The following PACRG variants were observed in gnomAD, a reference collection of about 807,000 sequenced individuals.
PACRG encodes parkin coregulated, also known as parkin coregulated gene protein.
Under a neutral mutation model 29.7 loss-of-function variants are expected in PACRG, and 29 were observed. That is an observed-to-expected ratio of 0.98 (90% CI 0.73 to 1.33). The LOEUF (loss-of-function observed/expected upper bound fraction) is 1.33, where lower values mean the gene tolerates loss of function less well. PACRG is among the 40% of genes most tolerant of loss of function. The pLI, the probability that PACRG is intolerant of heterozygous loss-of-function variation, is 0.00. For missense variants in PACRG, 279 were observed against 316.2 expected (o/e 0.88, Z 0.89); for synonymous variants, 116 against 118.7 (o/e 0.98, Z 0.15).
chr6:163,302,199 TC>T (rs1209125190), intron 4 of PACRG, among the ~76,000 whole-genome samples: 3 of 152,098 alleles, frequency 2.0e-5, no homozygotes, highest in East Asian at 1.9e-4. Context: ...ATTCAAAACT[TC>T]CCCCCACAGT....
chr6:162,934,126 T>C (rs1798066892), intron 2 of PACRG, among the ~76,000 whole-genome samples: 1 of 151,998 alleles, frequency 6.6e-6, no homozygotes, highest in African/African-American at 2.4e-5. Context: ...TAGCCAGGCA[T>C]GGTGGCACAC....
chr6:162,961,764 G>A (rs1215794900), intron 2 of PACRG, among the ~76,000 whole-genome samples: 1 of 152,100 alleles, frequency 6.6e-6, no homozygotes, highest in Non-Finnish European at 1.5e-5. Flanking sequence ...TTAGTCTAGT[G>A]TCCTTCTAAT....
At chr6:163,132,401 T>A (rs1245250660) in intron 4 of PACRG, among the ~76,000 whole-genome samples, 2 of 152,226 alleles carry the variant, frequency 1.3e-5, no homozygotes, top group African/African-American at 4.8e-5. Flanking sequence ...GTGCCAGGAA[T>A]CATTATTGAT....
chr6:162,891,843 C>A (rs573479859), intron 2 of PACRG, among the ~76,000 whole-genome samples: 3 of 152,286 alleles, frequency 2.0e-5, no homozygotes, highest in African/African-American at 7.2e-5. Flanking sequence ...ATGGCACTGG[C>A]CACATAACCA....
chr6:162,837,674 T>C (rs1789350984), intron 2 of PACRG, among the ~76,000 whole-genome samples: 1 of 152,140 alleles, frequency 6.6e-6, no homozygotes, highest in Admixed American at 6.6e-5. Flanking sequence ...CTCAATTAAG[T>C]TTCAACAAAT....
At chr6:162,756,778 T>C (rs1455574172) in intron 1 of PACRG, among the ~76,000 whole-genome samples, 2 of 152,148 alleles carry the variant, frequency 1.3e-5, no homozygotes, top group Non-Finnish European at 2.9e-5. Flanking sequence ...GGTTGTATGC[T>C]TTGAGTCCTT....
intron 4 of PACRG, among the ~76,000 whole-genome samples, chr6:163,249,625 C>T (rs899716479): frequency 1.3e-5 from 2 of 152,166 alleles, no homozygotes; most frequent in Non-Finnish European, 2.9e-5. Context: ...TTCCATGGGA[C>T]CTAGTGGTCT....
At chr6:163,271,207 T>G (rs1316354819) in intron 4 of PACRG, among the ~76,000 whole-genome samples, 1 of 152,024 alleles carries the variant, frequency 6.6e-6, no homozygotes, top group Non-Finnish European at 1.5e-5. Flanking sequence ...TTTCACATTC[T>G]TCTGCCTGCT....
At chr6:162,748,298 C>G (rs1205311686) in intron 1 of PACRG, among the ~76,000 whole-genome samples, 1 of 152,172 alleles carries the variant, frequency 6.6e-6, no homozygotes, top group Admixed American at 6.5e-5. Context: ...TGAAACCAGT[C>G]TGGCCATCGT....
intron 1 of PACRG, among the ~76,000 whole-genome samples, chr6:162,734,604 C>T (rs2128251830): frequency 6.6e-6 from 1 of 152,268 alleles, no homozygotes; most frequent in South Asian, 2.1e-4. Flanking sequence ...TAGTGATCTT[C>T]ATTCCATTTG....
intron 4 of PACRG, among the ~76,000 whole-genome samples, chr6:163,237,276 A>T: frequency 6.6e-6 from 1 of 152,182 alleles, no homozygotes; most frequent in East Asian, 1.9e-4. Context: ...CTTTAGTCTG[A>T]CAGTATAACT....
intron 2 of PACRG, among the ~76,000 whole-genome samples, chr6:162,950,693 A>G (rs1026954430): frequency 4.6e-5 from 7 of 152,204 alleles, no homozygotes; most frequent in African/African-American, 1.4e-4. Context: ...TGGTAAATGA[A>G]TTAAAGGAAA....
intron 2 of PACRG, among the ~76,000 whole-genome samples, chr6:162,868,726 T>A (rs1792537131): frequency 6.6e-6 from 1 of 152,196 alleles, no homozygotes; most frequent in African/African-American, 2.4e-5. Flanking sequence ...GCCATGCACA[T>A]GCGCACAGGG....
chr6:163,166,877 G>T (rs1485903732), intron 4 of PACRG, among the ~76,000 whole-genome samples: 3 of 152,132 alleles, frequency 2.0e-5, no homozygotes, highest in African/African-American at 7.2e-5. Flanking sequence ...TTGTTATTTT[G>T]TTGCAAACCT....
In PACRG at chr6:162,855,180, C is replaced by G. The variant is rs571246996; in HGVS notation, c.291+40899C>G. On this transcript the variant is annotated intron_variant, in intron 2 of 4. Transcript: ENST00000366888. ...ACTCGGCGTAAGCTGGAGATAATGC[C>G]CAGCGCTGACACCTGGTAGAGCTGT... 1.9e-4 allele frequency among the ~76,000 whole-genome samples: 29 copies of G among 152,284 alleles called. No individual in the cohort carries two copies. The South Asian group carries it at 6.0e-3, about 32-fold the overall frequency.
Position 162,916,083 on chromosome 6 carries a change from T to C in PACRG, c.291+101802T>C, listed in dbSNP as rs534245185. Reference sequence around the variant, plus strand: ...CATTTCTGGTAGAGCAGGTATAAGATAATGAATTTTCTTAATTTTTTTTAA... The same window carrying C: ...CATTTCTGGTAGAGCAGGTATAAGACAATGAATTTTCTTAATTTTTTTTAA... On this transcript the variant is annotated intron_variant, in intron 2 of 4. Transcript: ENST00000366888. 4.6e-5 allele frequency among the ~76,000 whole-genome samples: 7 copies of C among 152,290 alleles called. No individual in the cohort carries two copies. In the East Asian group the frequency reaches 1.4e-3, roughly 29 times the overall value.
intron 2 of PACRG, among the ~76,000 whole-genome samples, chr6:162,998,528 C>G (rs1481951237): frequency 6.6e-6 from 1 of 152,202 alleles, no homozygotes; most frequent in Non-Finnish European, 1.5e-5. Flanking sequence ...CTCAGTATGT[C>G]ATGTTGATGA....
At chr6:162,896,443 G>A (rs1263627787) in intron 2 of PACRG, among the ~76,000 whole-genome samples, 1 of 152,278 alleles carries the variant, frequency 6.6e-6, no homozygotes, top group African/African-American at 2.4e-5. Flanking sequence ...CCGTAAGAAC[G>A]CATCCCACGG....
intron 2 of PACRG, among the ~76,000 whole-genome samples, chr6:163,060,675 G>C (rs1426734734): frequency 6.6e-6 from 1 of 152,042 alleles, no homozygotes; most frequent in Non-Finnish European, 1.5e-5. Context: ...ATTGTAAATG[G>C]GAAGTCTGTG....
Sources: gnomAD v4.1 joint callset for allele counts (sites outside exome capture counted in the v4.1 genomes callset) on GRCh38, gnomAD v4.1.1 for gene constraint, MANE v1.5 for transcripts, NCBI Gene and HGNC (gene_info 2026-07-23, HGNC 2026-07-21) for gene names.